Variants in AKT3 observed in about 807,000 individuals in gnomAD.
AKT3 encodes RAC-gamma serine/threonine-protein kinase.
Under a neutral mutation model 65.3 loss-of-function variants are expected in AKT3, and 15 were observed. The ratio of observed to expected loss-of-function variants is 0.23; its 90% confidence interval spans 0.15 to 0.35. AKT3 has a LOEUF of 0.35. Ranked by LOEUF, AKT3 falls within the 10% of genes least tolerant of loss-of-function variation. AKT3 has a pLI of 1.00. For missense variants in AKT3, 243 were observed against 576.5 expected (o/e 0.42, Z 5.92); for synonymous variants, 206 against 183.8 (o/e 1.12, Z -0.98).
At chr1:243,834,910 A>G (rs1295350708) in intron 2 of AKT3, among the ~76,000 whole-genome samples, 2 of 152,212 alleles carry the variant, frequency 1.3e-5, no homozygotes, top group East Asian at 1.9e-4. Flanking sequence ...ATATAACATT[A>G]TAACAGAGTT....
rs533306014 is a variant in AKT3 at position 243,494,571 on chromosome 1, C to T, written c.*6+5166G>A. On this transcript the variant is annotated intron_variant, in intron 13 of 13. Coordinates refer to the AKT3 transcript ENST00000336199. The stretch of plus-strand genomic sequence containing the variant: ...TTAAACTTTTTGTTTTTTGACTGAG[C>T]GCCCCGTGTATAATTAATATTGAAA... 1.9e-4 allele frequency among the ~76,000 whole-genome samples: 29 copies of T among 152,224 alleles called. No individual in the cohort carries two copies. In the South Asian group the frequency reaches 2.1e-3, roughly 11 times the overall value.
At chr1:243,608,743 CTTTTTTTTTTTTT>C (rs566574203) in intron 8 of AKT3, among the ~76,000 whole-genome samples, 2 of 70,806 alleles carry the variant, frequency 2.8e-5, no homozygotes, top group Non-Finnish European at 4.8e-5. Flanking sequence ...AAGTTTTTTG[CTTTTTTTTTTTTT>C]TTTTTTTTTT....
intron 4 of AKT3, among the ~76,000 whole-genome samples, chr1:243,656,772 T>A (rs1465102588): frequency 6.6e-6 from 1 of 152,206 alleles, no homozygotes; most frequent in Non-Finnish European, 1.5e-5. Context: ...TCTCTGTATG[T>A]GAGTGTGAGT....
intron 4 of AKT3, among the ~76,000 whole-genome samples, chr1:243,651,600 T>C (rs550720034): frequency 6.6e-6 from 1 of 152,312 alleles, no homozygotes; most frequent in South Asian, 2.1e-4. Context: ...GTTTTTAGCA[T>C]GAAGGGGAGT....
chr1:243,546,400 T>TA (rs11453456), intron 11 of AKT3, among the ~76,000 whole-genome samples: 28,373 of 151,772 alleles, frequency 0.19, 2,967 homozygotes, highest in South Asian at 0.3. Context: ...ATAAAAGAAC[T>TA]AAAAGTGAGA....
chr1:243,691,676 T>C (rs940989622), intron 3 of AKT3, among the ~76,000 whole-genome samples: 1 of 152,142 alleles, frequency 6.6e-6, no homozygotes, highest in African/African-American at 2.4e-5. Context: ...ACTCAGATAC[T>C]GAGTACAAAG....
At chr1:243,709,124 T>C (rs1685989138) in intron 2 of AKT3, among the ~76,000 whole-genome samples, 1 of 151,722 alleles carries the variant, frequency 6.6e-6, no homozygotes, top group African/African-American at 2.4e-5. Flanking sequence ...ACTGAGTAAC[T>C]TACCCTATAT....
At chr1:243,795,464 T>TTTTTTTTTG (rs1691917582) in intron 2 of AKT3, among the ~76,000 whole-genome samples, 1 of 96,670 alleles carries the variant, frequency 1.0e-5, no homozygotes, top group African/African-American at 3.4e-5. Context: ...TTTTTTTTGT[T>TTTTTTTTTG]TTTTTTTTTT....
At chr1:243,488,883 C>T (rs1040405645) in intron 13 of AKT3, 1 of 1,285,456 alleles carries the variant, frequency 7.8e-7, no homozygotes. Flanking sequence ...CAGAGCCTGG[C>T]ACCTCAGGGT....
At chr1:243,554,521 G>C (rs1018002142) in intron 10 of AKT3, among the ~76,000 whole-genome samples, 2 of 152,098 alleles carry the variant, frequency 1.3e-5, no homozygotes, top group Admixed American at 1.3e-4. Context: ...ACCTAAAAAA[G>C]CAGAAGAAAT....
intron 2 of AKT3, among the ~76,000 whole-genome samples, chr1:243,784,801 C>T (rs982928462): frequency 6.6e-6 from 1 of 152,234 alleles, no homozygotes; most frequent in African/African-American, 2.4e-5. Context: ...CCCTCCCACC[C>T]CTAGGCTGGA....
chr1:243,624,727 T>C (rs1679019732), intron 6 of AKT3: 2 of 199,910 alleles, frequency 1.0e-5, no homozygotes, highest in Non-Finnish European at 2.2e-5. Context: ...CATTTCACCA[T>C]ACTTAATTTC....
chr1:243,568,095 A>G (rs1044227618), intron 9 of AKT3, among the ~76,000 whole-genome samples: 6 of 152,228 alleles, frequency 3.9e-5, no homozygotes, highest in African/African-American at 1.4e-4. Context: ...AAGGAGGAAG[A>G]AAAATATTTA....
chr1:243,609,236 A>G (rs540551931), intron 8 of AKT3, among the ~76,000 whole-genome samples: 2 of 152,160 alleles, frequency 1.3e-5, no homozygotes, highest in African/African-American at 4.8e-5. Context: ...ACTATTTTAA[A>G]ATACATCTGA....
intron 2 of AKT3, among the ~76,000 whole-genome samples, chr1:243,839,978 C>A (rs1000931808): frequency 2.0e-5 from 3 of 151,668 alleles, no homozygotes; most frequent in African/African-American, 7.3e-5. Context: ...GTCAGGAGAT[C>A]GACACCAACC....
chr1:243,636,789 T>C (rs1269334172), intron 6 of AKT3, among the ~76,000 whole-genome samples: 1 of 151,978 alleles, frequency 6.6e-6, no homozygotes, highest in East Asian at 1.9e-4. Flanking sequence ...TGAACCTAGG[T>C]GTGTATGATT....
intron 6 of AKT3, among the ~76,000 whole-genome samples, chr1:243,618,883 CAA>C (rs893895306): frequency 9.9e-5 from 10 of 100,874 alleles, no homozygotes; most frequent in Admixed American, 4.4e-4. Context: ...AGAGGGCAAA[CAA>C]GAGGAGAAAA....
intron 12 of AKT3, among the ~76,000 whole-genome samples, chr1:243,533,412 C>T (rs1204206916): frequency 6.6e-6 from 1 of 152,172 alleles, no homozygotes; most frequent in African/African-American, 2.4e-5. Context: ...CCAATTCTAT[C>T]ACTGACATTT....
chr1:243,778,931 C>G (rs762949304), intron 2 of AKT3, among the ~76,000 whole-genome samples: 1 of 136,830 alleles, frequency 7.3e-6, no homozygotes, highest in Non-Finnish European at 1.6e-5. Flanking sequence ...TTTTTTTTTT[C>G]TTGTCACTGA....
Sources: gnomAD v4.1 joint callset for allele counts (sites outside exome capture counted in the v4.1 genomes callset) on GRCh38, gnomAD v4.1.1 for gene constraint, MANE v1.5 for transcripts, NCBI Gene and HGNC (gene_info 2026-07-23, HGNC 2026-07-21) for gene names.